CPQ: variants seen among roughly 807,000 people sequenced by gnomAD.
CPQ encodes Ser-Met dipeptidase.
A neutral mutation model predicts 45.7 loss-of-function variants in CPQ; 37 were observed. The ratio of observed to expected loss-of-function variants is 0.81; its 90% CI spans 0.62 to 1.07. The LOEUF (loss-of-function observed/expected upper bound fraction) is 1.07, where lower values mean the gene tolerates loss of function less well. Among genes scored for constraint, CPQ ranks in the 50% least tolerant of loss-of-function variants. The probability of loss-of-function intolerance (pLI) is 0.00; values close to 1 mark genes in which losing one functional copy is unlikely to be tolerated. For synonymous variants in CPQ, 186 were observed against 205.8 expected (o/e 0.90, Z 0.82); for missense variants, 537 against 572.9 (o/e 0.94, Z 0.64).
intron 4 of CPQ, among the ~76,000 whole-genome samples, chr8:96,880,549 AT>A: frequency 1.7e-5 from 1 of 58,886 alleles, no homozygotes; most frequent in Non-Finnish European, 3.9e-5. Flanking sequence ...ATATATATAT[AT>A]ATATATATAT....
intron 2 of CPQ, among the ~76,000 whole-genome samples, chr8:96,790,446 G>A (rs1320188766): frequency 6.6e-6 from 1 of 152,158 alleles, no homozygotes; most frequent in Non-Finnish European, 1.5e-5. Context: ...CACCCTATGA[G>A]TAGGACTTGG....
chr8:96,989,658 T>C (rs1809055696), intron 5 of CPQ, among the ~76,000 whole-genome samples: 1 of 152,134 alleles, frequency 6.6e-6, no homozygotes, highest in Non-Finnish European at 1.5e-5. Context: ...GTTTAAGAAA[T>C]TCCAAAGGCT....
chr8:96,937,602 G>A (rs1235089611), intron 4 of CPQ, among the ~76,000 whole-genome samples: 1 of 152,150 alleles, frequency 6.6e-6, no homozygotes, highest in African/African-American at 2.4e-5. Flanking sequence ...CTAGTGTCTG[G>A]AGACCATGAC....
intron 7 of CPQ, among the ~76,000 whole-genome samples, chr8:97,122,941 TAAAA>T: frequency 2.0e-5 from 1 of 50,034 alleles, no homozygotes; most frequent in South Asian, 5.8e-4. Flanking sequence ...TAAAATAAAA[TAAAA>T]TAAAATAAAA....
chr8:96,815,362 A>T (rs778371891), intron 2 of CPQ, among the ~76,000 whole-genome samples: 3 of 152,096 alleles, frequency 2.0e-5, no homozygotes, highest in Non-Finnish European at 2.9e-5. Context: ...CATCCAAACA[A>T]CATTGCTGTG....
intron 5 of CPQ, among the ~76,000 whole-genome samples, chr8:96,977,118 C>G (rs2130382257): frequency 6.6e-6 from 1 of 152,096 alleles, no homozygotes; most frequent in Middle Eastern, 3.4e-3. Flanking sequence ...GGACTAATAT[C>G]CAGAATCTAA....
chr8:97,041,356 G>C (rs7459515), intron 6 of CPQ, among the ~76,000 whole-genome samples: 6,145 of 152,204 alleles, frequency 0.04, 388 homozygotes, highest in African/African-American at 0.13. Flanking sequence ...CTTTGCTGAA[G>C]TTGCTTATCA....
At chr8:96,856,101 A>G (rs990147740) in intron 3 of CPQ, among the ~76,000 whole-genome samples, 1 of 152,244 alleles carries the variant, frequency 6.6e-6, no homozygotes, top group African/African-American at 2.4e-5. Context: ...AAGGTCATAT[A>G]GGCCCTGATT....
At chr8:97,046,231 C>T (rs542572591) in intron 6 of CPQ, among the ~76,000 whole-genome samples, 5 of 148,252 alleles carry the variant, frequency 3.4e-5, no homozygotes, top group Non-Finnish European at 7.5e-5. Flanking sequence ...CAAAGGCATA[C>T]TTTTTTTTTT....
intron 1 of CPQ, among the ~76,000 whole-genome samples, chr8:96,767,666 C>T (rs1381982540): frequency 3.8e-5 from 3 of 79,094 alleles, no homozygotes; most frequent in African/African-American, 1.5e-4. Context: ...TTTTTTGAGA[C>T]GGACTCTCAC....
intron 7 of CPQ, chr8:97,092,400 C>T (rs1431054043): frequency 6.6e-6 from 1 of 152,136 alleles, no homozygotes; most frequent in African/African-American, 2.4e-5. Context: ...AGGATCCTTT[C>T]ACAAAAGGTG....
chr8:96,880,146 T>A (rs1013540248), intron 4 of CPQ, 141 bp downstream of exon 4: 1 of 688,530 alleles, frequency 1.5e-6, no homozygotes, highest in East Asian at 2.8e-5. Context: ...TTATATATAT[T>A]TTTTCTCATC....
chr8:96,885,572 C>A (rs1812293059), intron 4 of CPQ, among the ~76,000 whole-genome samples: 1 of 152,116 alleles, frequency 6.6e-6, no homozygotes, highest in African/African-American at 2.4e-5. Flanking sequence ...GGCCCAAAAC[C>A]CATGGGCAAA....
At chr8:96,788,217 G>T in intron 2 of CPQ, among the ~76,000 whole-genome samples, 1 of 149,972 alleles carries the variant, frequency 6.7e-6, no homozygotes, top group African/African-American at 2.5e-5. Flanking sequence ...GGAGTGCAAT[G>T]GCACAATCTC....
intron 4 of CPQ, among the ~76,000 whole-genome samples, chr8:96,916,689 T>A (rs1812737362): frequency 6.6e-6 from 1 of 152,134 alleles, no homozygotes; most frequent in Non-Finnish European, 1.5e-5. Context: ...TTAATATCCT[T>A]TTCCTGTTCC....
chr8:97,125,953 G>A (rs940612163), intron 7 of CPQ, among the ~76,000 whole-genome samples: 2 of 152,130 alleles, frequency 1.3e-5, no homozygotes, highest in African/African-American at 2.4e-5. Context: ...ACAGAATTGT[G>A]TACTGTCAAC....
intron 5 of CPQ, among the ~76,000 whole-genome samples, chr8:96,994,658 A>G (rs1408331319): frequency 6.6e-6 from 1 of 152,034 alleles, no homozygotes; most frequent in Non-Finnish European, 1.5e-5. Flanking sequence ...GCCAAAAAAA[A>G]GAACCTGGCA....
At chr8:96,736,667 A>T (rs902094244) in intron 1 of CPQ, among the ~76,000 whole-genome samples, 1 of 152,206 alleles carries the variant, frequency 6.6e-6, no homozygotes, top group African/African-American at 2.4e-5. Flanking sequence ...GCTGCATACT[A>T]CATGTCATAT....
At chr8:96,757,371 TA>T (rs1024483017) in intron 1 of CPQ, among the ~76,000 whole-genome samples, 2 of 147,334 alleles carry the variant, frequency 1.4e-5, no homozygotes, top group African/African-American at 4.9e-5. Context: ...ATAATAATAA[TA>T]ATAATAATAA....
Sources: gnomAD v4.1 joint callset for allele counts (sites outside exome capture counted in the v4.1 genomes callset) on GRCh38, gnomAD v4.1.1 for gene constraint, MANE v1.5 for transcripts, NCBI Gene and HGNC (gene_info 2026-07-23, HGNC 2026-07-21) for gene names.